Variants in FILIP1L observed in about 807,000 individuals in gnomAD.
FILIP1L encodes filamin A interacting protein 1 like.
FILIP1L carries 55 observed loss-of-function variants against 96.6 expected under a neutral mutation model. The ratio of observed to expected loss-of-function variants is 0.57; its 90% CI spans 0.46 to 0.71. The LOEUF is 0.71. FILIP1L is among the 30% of genes least tolerant of loss of function. The pLI is 0.00. For synonymous variants in FILIP1L, 467 were observed against 473.9 expected (o/e 0.99, Z 0.19); for missense variants, 1,304 against 1,321.2 (o/e 0.99, Z 0.20).
At chr3:99,959,595 T>C (rs1211483124) in intron 1 of FILIP1L, among the ~76,000 whole-genome samples, 2 of 152,218 alleles carry the variant, frequency 1.3e-5, no homozygotes, top group Admixed American at 6.5e-5. Context: ...TATAATTTCT[T>C]TAGCAGTCTG....
At chr3:100,084,947 C>A (rs1203467020) in intron 1 of FILIP1L, among the ~76,000 whole-genome samples, 1 of 152,190 alleles carries the variant, frequency 6.6e-6, no homozygotes, top group Non-Finnish European at 1.5e-5. Context: ...CAAAAATTAT[C>A]TTATAATGCA....
chr3:100,029,084 T>C (rs1391159080), intron 1 of FILIP1L, among the ~76,000 whole-genome samples: 2 of 152,020 alleles, frequency 1.3e-5, no homozygotes, highest in East Asian at 3.8e-4. Flanking sequence ...CAAGCTACCC[T>C]GGGAGCTGAG....
chr3:99,987,316 G>A (rs907569068), intron 1 of FILIP1L, among the ~76,000 whole-genome samples: 4 of 151,768 alleles, frequency 2.6e-5, no homozygotes, highest in Admixed American at 2.6e-4. Flanking sequence ...ATCATTTGAG[G>A]TCAGGAGTTC....
chr3:99,962,413 A>G (rs768134835), intron 1 of FILIP1L, among the ~76,000 whole-genome samples: 6 of 152,160 alleles, frequency 3.9e-5, no homozygotes, highest in Non-Finnish European at 7.3e-5. Flanking sequence ...GAGGTCATTT[A>G]GGTTTTGGAA....
At chr3:99,921,132 A>G (rs1448194790) in intron 4 of FILIP1L, among the ~76,000 whole-genome samples, 2 of 152,142 alleles carry the variant, frequency 1.3e-5, no homozygotes, top group Admixed American at 6.6e-5. Flanking sequence ...AGTTAGTCTC[A>G]CTTTTGTGGG....
At chr3:99,842,620 A>G (rs1943186069) in intron 5 of FILIP1L, among the ~76,000 whole-genome samples, 1 of 152,198 alleles carries the variant, frequency 6.6e-6, no homozygotes, top group South Asian at 2.1e-4. Context: ...CAGTTTTTCA[A>G]AATATTGCCT....
chr3:100,015,101 T>C (rs1446175190), intron 1 of FILIP1L, among the ~76,000 whole-genome samples: 1 of 151,990 alleles, frequency 6.6e-6, no homozygotes, highest in Non-Finnish European at 1.5e-5. Context: ...AATTTCATTC[T>C]TCCTCATGTA....
At chr3:99,845,383 C>T (rs1016995502) in intron 5 of FILIP1L, among the ~76,000 whole-genome samples, 7 of 152,078 alleles carry the variant, frequency 4.6e-5, no homozygotes, top group African/African-American at 9.7e-5. Flanking sequence ...CGTTCTGAAG[C>T]GAGGACTTAG....
At chr3:100,042,680 T>G (rs2065224372) in intron 1 of FILIP1L, among the ~76,000 whole-genome samples, 1 of 152,166 alleles carries the variant, frequency 6.6e-6, no homozygotes, top group African/African-American at 2.4e-5. Flanking sequence ...ATGGAGAACA[T>G]GAGGGAGGAA....
Position 99,982,344 on chromosome 3 carries a change from A to C in FILIP1L, c.-10-51314T>G, listed in dbSNP as rs1041800254. Among the ~76,000 whole-genome samples the C allele has an allele frequency of 5.7e-4, 85 of 149,848 alleles. 2 individuals are homozygous for C. The highest frequency in any genetic ancestry group is 5.9e-5 in the Non-Finnish European group (4 of 67,416). On this transcript the variant is annotated intron_variant, in intron 1 of 5. Transcript: ENST00000477258. ...TTCATTCACCATTAGGTAATTTTTT[A>C]CTTTTTTTTTTTTGAGACAGGGTCT... is the stretch of plus-strand genomic sequence containing the variant.
In FILIP1L at chr3:100,029,104, T is replaced by C. The variant is rs142969798; in HGVS notation, c.-11+84949A>G. 7.3e-3 allele frequency among the ~76,000 whole-genome samples: 1,108 copies of C among 152,194 alleles called. 19 individuals carry two copies. Among genetic ancestry groups the C allele is most frequent in the African/African-American group, 0.025 (1,021 of 41,524 alleles). Reference sequence around the variant, plus strand: ...TACCCTGGGAGCTGAGGCAGAAGGATTGCTTGAGCTCAGGAGTTCCAAGCC... The same window carrying C: ...TACCCTGGGAGCTGAGGCAGAAGGACTGCTTGAGCTCAGGAGTTCCAAGCC... On this transcript the variant is annotated intron_variant, in intron 1 of 5. Transcript: ENST00000477258.
At chr3:99,843,322 G>C (rs1943215469) in intron 5 of FILIP1L, among the ~76,000 whole-genome samples, 2 of 152,194 alleles carry the variant, frequency 1.3e-5, no homozygotes, top group Admixed American at 1.3e-4. Flanking sequence ...CTTTGCTACA[G>C]TTATAAAACC....
At position 100,069,902 on chromosome 3, in the gene FILIP1L, G is replaced by A. The variant is rs555366065; in HGVS notation, c.-11+44151C>T. Among the ~76,000 whole-genome samples, 25 of 152,070 alleles carry A rather than the reference G, an allele frequency of 1.6e-4. 2 individuals carry two copies. The South Asian group carries it at 3.3e-3, about 20-fold the overall frequency. On this transcript the variant is annotated intron_variant, in intron 1 of 5. Transcript: ENST00000477258. ...CTCACACTATCCAGTTCATTTTGTT[G>A]GAAACTTAAAAAAAGAAAATCTGGT...
At chr3:99,896,175 C>T (rs1706245622) in intron 4 of FILIP1L, among the ~76,000 whole-genome samples, 1 of 152,066 alleles carries the variant, frequency 6.6e-6, no homozygotes, top group Non-Finnish European at 1.5e-5. Flanking sequence ...GGCTCCATTC[C>T]GTCTGCTATT....
At chr3:100,072,709 C>G (rs1401985651) in intron 1 of FILIP1L, among the ~76,000 whole-genome samples, 1 of 152,172 alleles carries the variant, frequency 6.6e-6, no homozygotes, top group Non-Finnish European at 1.5e-5. Context: ...AGATTATCTA[C>G]TGGACAGAGG....
chr3:99,995,833 C>T (rs1168863194), intron 1 of FILIP1L, among the ~76,000 whole-genome samples: 1 of 152,180 alleles, frequency 6.6e-6, no homozygotes, highest in East Asian at 1.9e-4. Context: ...AGCTGGGACA[C>T]AGGGCACCAA....
intron 4 of FILIP1L, among the ~76,000 whole-genome samples, chr3:99,907,659 T>C (rs1184578121): frequency 6.6e-6 from 1 of 152,230 alleles, no homozygotes; most frequent in Non-Finnish European, 1.5e-5. Flanking sequence ...CCTTGCTTTT[T>C]CCTGAATTTG....
intron 4 of FILIP1L, among the ~76,000 whole-genome samples, chr3:99,882,928 A>C (rs543735733): frequency 6.6e-5 from 10 of 152,330 alleles, no homozygotes; most frequent in African/African-American, 2.4e-4. Context: ...GCCACATGTC[A>C]AAACCCTAAT....
At chr3:100,003,694 A>T (rs1188419604) in intron 1 of FILIP1L, among the ~76,000 whole-genome samples, 1 of 152,148 alleles carries the variant, frequency 6.6e-6, no homozygotes. Context: ...GGTCATCTTC[A>T]TACTTGATCT....
Sources: gnomAD v4.1 joint callset for allele counts (sites outside exome capture counted in the v4.1 genomes callset) on GRCh38, gnomAD v4.1.1 for gene constraint, MANE v1.5 for transcripts, NCBI Gene and HGNC (gene_info 2026-07-23, HGNC 2026-07-21) for gene names.